Variants in KDM5B observed in about 807,000 individuals in gnomAD.
KDM5B encodes lysine demethylase 5B, also known as lysine-specific demethylase 5B.
Under a neutral mutation model 193.4 loss-of-function variants are expected in KDM5B, and 144 were observed. The ratio of observed to expected loss-of-function variants is 0.74; its 90% confidence interval spans 0.65 to 0.86. KDM5B has a LOEUF of 0.86. KDM5B is among the 40% of genes least tolerant of loss of function. The pLI is 0.00. For missense variants in KDM5B, 1,833 were observed against 1,886.9 expected, an observed-to-expected ratio of 0.97 and a Z score of 0.53; for synonymous variants, 668 against 682.6, an observed-to-expected ratio of 0.98 and a Z score of 0.33.
At chr1:202,763,878 T>C (rs1319443048) in intron 6 of KDM5B, among the ~76,000 whole-genome samples, 171 bp downstream of exon 6, 1 of 152,232 alleles carries the variant, frequency 6.6e-6, no homozygotes, top group Admixed American at 6.5e-5. Flanking sequence ...AAGGACACTG[T>C]TGATATATTA....
chr1:202,733,345 G>C, intron 23 of KDM5B, 56 bp downstream of exon 23: 1 of 1,563,266 alleles, frequency 6.4e-7, no homozygotes. Flanking sequence ...AGGTTCGAGA[G>C]AAAGGTACAG....
At chr1:202,797,417 G>A (rs1657893334) in intron 1 of KDM5B, among the ~76,000 whole-genome samples, 1 of 152,134 alleles carries the variant, frequency 6.6e-6, no homozygotes, top group Non-Finnish European at 1.5e-5. Flanking sequence ...AAGATATCCT[G>A]GGACCTGGTC....
intron 22 of KDM5B, 62 bp from the exon 23 acceptor site, chr1:202,733,948 A>T (rs1654998385): frequency 6.5e-7 from 1 of 1,543,198 alleles, no homozygotes; most frequent in Non-Finnish European, 8.7e-7. Flanking sequence ...CCTAAAACTC[A>T]GAGTCCTAGT....
Position 202,750,771 on chromosome 1 carries a change from C to T in KDM5B, c.1709G>A (p.Arg570Gln), listed in dbSNP as rs757818490. ...TLMTHEVPVY[R>Q]TNQCAGEFVI... Reference sequence around the variant, plus strand: ...AAACTCCCCAGCACACTGATTAGTTCGGTAAACCTAAAGAGACAGAAATTG... The same window carrying T: ...AAACTCCCCAGCACACTGATTAGTTTGGTAAACCTAAAGAGACAGAAATTG... The change falls in exon 13 of 27, where the codon CGA becomes CAA. Residue 570 changes from arginine to glutamine, a missense_variant. Physicochemically the swap from Arg to Gln is conservative, Grantham distance 43. This residue lies in a region of KDM5B where 1,379 missense variants were observed against 1,349.6 expected (regional missense o/e 1.02). Coordinates refer to ENST00000367265, the MANE Select transcript of KDM5B (RefSeq NM_006618.5). 6 of 1,613,148 alleles carry T rather than the reference C, an allele frequency of 3.7e-6. No homozygotes were observed. Among genetic ancestry groups the T allele is most frequent in the South Asian group, 1.1e-5 (1 of 90,984 alleles).
intron 1 of KDM5B, among the ~76,000 whole-genome samples, chr1:202,799,131 T>A (rs1657970991): frequency 6.6e-6 from 1 of 152,136 alleles, no homozygotes; most frequent in Non-Finnish European, 1.5e-5. Context: ...AATGAGCAAA[T>A]AAAGCTTTGG....
intron 2 of KDM5B, 44 bp downstream of exon 2, chr1:202,776,973 T>A (rs1656982759): frequency 8.4e-7 from 1 of 1,183,874 alleles, no homozygotes; most frequent in Non-Finnish European, 1.3e-6. Context: ...TCAAAGACGG[T>A]CCCCCTGGAA....
chr1:202,749,366 T>G (rs1655701452), intron 13 of KDM5B, among the ~76,000 whole-genome samples: 1 of 152,116 alleles, frequency 6.6e-6, no homozygotes, highest in Non-Finnish European at 1.5e-5. Context: ...GACCAGCCTG[T>G]GCAGTATGGT....
At position 202,728,875 on chromosome 1, in the gene KDM5B, T is replaced by C; in HGVS notation, c.*161A>G. On this transcript the variant is annotated 3_prime_UTR_variant, in exon 27 of 27. Coordinates refer to ENST00000367265, the MANE Select transcript of KDM5B (RefSeq NM_006618.5). ...AAATTTTTTTAGTTGTTTTTTCTTT[T>C]CTTCAAAGAGTCCTGGAAAAATGAT... 4 of 812,796 alleles carry C rather than the reference T, an allele frequency of 4.9e-6. No homozygotes were observed. The highest frequency in any genetic ancestry group is 7.4e-6 in the Non-Finnish European group (4 of 538,130). The allele number at this position is 812,796 out of a possible 1,614,324, so 50.3% of individuals were successfully genotyped here.
chr1:202,748,098 C>T (rs1480687653), intron 14 of KDM5B, among the ~76,000 whole-genome samples: 1 of 151,982 alleles, frequency 6.6e-6, no homozygotes, highest in Non-Finnish European at 1.5e-5. Context: ...CAGAAATAGA[C>T]CCATACTTAT....
chr1:202,792,244 AT>A (rs35527316), intron 1 of KDM5B, among the ~76,000 whole-genome samples: 1,774 of 137,618 alleles, frequency 0.013, 20 homozygotes, highest in African/African-American at 0.034. Flanking sequence ...TGGTGTTTAG[AT>A]TTTTTTTTTT....
chr1:202,778,495 T>A lies in KDM5B; in HGVS notation c.205-1401A>T, dbSNP rs148867799. On this transcript the variant is annotated intron_variant, in intron 1 of 26. Transcript: ENST00000367265. The stretch of plus-strand genomic sequence containing the variant: ...GTAAATGTACCCAATGCCACTGAAC[T>A]GTATCCTTAAAAATGGTTACAAAGG... Among the ~76,000 whole-genome samples, 1,041 of 152,336 alleles carry A rather than the reference T, an allele frequency of 6.8e-3. 7 individuals carry two copies. Among genetic ancestry groups the A allele is most frequent in the Admixed American group, 0.011 (166 of 15,302 alleles).
intron 19 of KDM5B, among the ~76,000 whole-genome samples, chr1:202,741,160 T>G (rs192918886): frequency 1.2e-4 from 18 of 152,372 alleles, no homozygotes; most frequent in African/African-American, 4.1e-4. Flanking sequence ...GAATTATTCA[T>G]TTTTAATCAG....
At chr1:202,757,393 C>G (rs1018973037) in intron 9 of KDM5B, among the ~76,000 whole-genome samples, 1 of 152,150 alleles carries the variant, frequency 6.6e-6, no homozygotes. Flanking sequence ...TAAAGAGTCA[C>G]CAGACTAAAT....
chr1:202,792,299 A>G (rs550577880), intron 1 of KDM5B, among the ~76,000 whole-genome samples: 1 of 150,586 alleles, frequency 6.6e-6, no homozygotes, highest in East Asian at 2.0e-4. Flanking sequence ...CTGTCATGAA[A>G]TTACCTAAAC....
chr1:202,747,525 G>A (rs1655605411), intron 14 of KDM5B, among the ~76,000 whole-genome samples: 1 of 145,830 alleles, frequency 6.9e-6, no homozygotes, highest in African/African-American at 2.5e-5. Context: ...ATGGGCTGCA[G>A]AGAGCCAATA....
intron 14 of KDM5B, 77 bp from the exon 15 acceptor site, chr1:202,746,400 C>T: frequency 1.5e-6 from 1 of 684,824 alleles, no homozygotes; most frequent in Non-Finnish European, 2.2e-6. Context: ...TGCAGTAGTA[C>T]TTGAGTCTGA....
chr1:202,766,496 ACT>A (rs1656464142), intron 5 of KDM5B: 2 of 433,138 alleles, frequency 4.6e-6, no homozygotes, highest in Non-Finnish European at 9.1e-6. Context: ...ACACAGCGAG[ACT>A]CTGTCTCTAA....
intron 26 of KDM5B, 125 bp downstream of exon 26, chr1:202,729,582 A>AG: frequency 1.3e-6 from 1 of 776,256 alleles, no homozygotes; most frequent in Non-Finnish European, 2.0e-6. Flanking sequence ...GGAAGGGCTG[A>AG]GCAATCCATT....
intron 10 of KDM5B, among the ~76,000 whole-genome samples, chr1:202,755,863 T>C (rs2102263056): frequency 6.6e-6 from 1 of 152,196 alleles, no homozygotes; most frequent in South Asian, 2.1e-4. Context: ...ATCCTATTTC[T>C]TGTTTTAGTT....
Sources: gnomAD v4.1 joint callset for allele counts (sites outside exome capture counted in the v4.1 genomes callset) on GRCh38, gnomAD v4.1.1 for gene constraint, gnomAD v4.1.1 regional missense constraint, MANE v1.5 for transcripts, NCBI Gene and HGNC (gene_info 2026-07-23, HGNC 2026-07-21) for gene names.